Variants in RMST observed in about 807,000 individuals in gnomAD.
RMST encodes rhabdomyosarcoma 2 associated transcript.
chr12:97,480,213 C>A (rs1875096800), intron 5 of RMST, among the ~76,000 whole-genome samples: 1 of 151,864 alleles, frequency 6.6e-6, no homozygotes, highest in African/African-American at 2.4e-5. Flanking sequence ...CCTCAGCCTC[C>A]CGAGTAGCTG....
intron 11 of RMST, among the ~76,000 whole-genome samples, chr12:97,548,194 A>G (rs1883075229): frequency 6.6e-6 from 1 of 152,092 alleles, no homozygotes; most frequent in African/African-American, 2.4e-5. Flanking sequence ...TCAAAAATAA[A>G]TTGACCATAA....
intron 10 of RMST, among the ~76,000 whole-genome samples, chr12:97,512,691 C>A (rs1287731180): frequency 2.0e-5 from 3 of 152,250 alleles, no homozygotes; most frequent in East Asian, 3.9e-4. Context: ...GTCTCCACAT[C>A]CCCACCAGAC....
chr12:97,513,106 C>A (rs111393538), intron 10 of RMST, among the ~76,000 whole-genome samples: 6,010 of 152,292 alleles, frequency 0.039, 393 homozygotes, highest in African/African-American at 0.14. Context: ...CCCGGGTTCC[C>A]ACCTGCGCCT....
intron 10 of RMST, among the ~76,000 whole-genome samples, chr12:97,509,736 A>G (rs779314507): frequency 6.6e-6 from 1 of 152,198 alleles, no homozygotes; most frequent in African/African-American, 2.4e-5. Context: ...GGAGCCCTGG[A>G]TTGATGGAGG....
intron 11 of RMST, among the ~76,000 whole-genome samples, chr12:97,545,343 G>A (rs1176371825): frequency 1.3e-5 from 2 of 152,020 alleles, no homozygotes; most frequent in Non-Finnish European, 2.9e-5. Context: ...TGCGAGTATA[G>A]AGGGAACATC....
intron 11 of RMST, chr12:97,551,825 C>T (rs1462156374): frequency 6.6e-6 from 1 of 152,116 alleles, no homozygotes; most frequent in African/African-American, 2.4e-5. Flanking sequence ...GCTATCTCCC[C>T]ACATAGGAAC....
chr12:97,463,601 A>G (rs1418033187), intron 4 of RMST, among the ~76,000 whole-genome samples: 1 of 152,206 alleles, frequency 6.6e-6, no homozygotes, highest in Non-Finnish European at 1.5e-5. Context: ...GTAGAAGAGC[A>G]TATGGCCATG....
intron 10 of RMST, among the ~76,000 whole-genome samples, chr12:97,521,710 G>A (rs1415716099): frequency 6.6e-6 from 1 of 152,116 alleles, no homozygotes; most frequent in African/African-American, 2.4e-5. Context: ...GTGCAGGAAG[G>A]AAATGTGAAA....
intron 5 of RMST, among the ~76,000 whole-genome samples, chr12:97,489,226 G>A (rs867609664): frequency 6.6e-5 from 10 of 152,162 alleles, no homozygotes; most frequent in Middle Eastern, 6.8e-3. Flanking sequence ...TGGGAAGATC[G>A]CTTGAGCTCA....
chr12:97,473,355 G>T (rs968013141), intron 5 of RMST, among the ~76,000 whole-genome samples: 8 of 152,180 alleles, frequency 5.3e-5, no homozygotes, highest in Admixed American at 2.0e-4. Context: ...TTTATTGAAG[G>T]TTTATAGTAA....
chr12:97,471,676 T>A (rs913752831), intron 5 of RMST, among the ~76,000 whole-genome samples: 2 of 152,168 alleles, frequency 1.3e-5, no homozygotes, highest in African/African-American at 4.8e-5. Context: ...GGCCCTTAGC[T>A]ACAGTGTGTA....
At chr12:97,514,419 T>G (rs760897141) in intron 10 of RMST, among the ~76,000 whole-genome samples, 10 of 152,238 alleles carry the variant, frequency 6.6e-5, no homozygotes, top group Non-Finnish European at 1.3e-4. Context: ...ATTTCACTTT[T>G]GTTTTCCAAA....
intron 10 of RMST, among the ~76,000 whole-genome samples, chr12:97,519,829 G>A (rs1214774953): frequency 6.6e-6 from 1 of 152,150 alleles, no homozygotes; most frequent in Non-Finnish European, 1.5e-5. Flanking sequence ...ATGTGGCAAT[G>A]TGTTCATAAA....
chr12:97,524,622 C>A lies in RMST; in HGVS notation n.1341-6033C>A, dbSNP rs1249202143. On this transcript the variant is annotated intron_variant and non_coding_transcript_variant, in intron 10 of 13. Coordinates refer to ENST00000640149, the Ensembl canonical transcript of RMST. ...TATCATCTACCTCCTGAGTTTTATG[C>A]TCTTTTACAGACAAGACAATTGAGG... Among the ~76,000 whole-genome samples the A allele has an allele frequency of 2.6e-5, 4 of 152,176 alleles. No individual in the cohort carries two copies. The East Asian group carries it at 7.7e-4, about 29-fold the overall frequency.
intron 10 of RMST, among the ~76,000 whole-genome samples, chr12:97,497,006 G>A (rs1292810957): frequency 6.6e-6 from 1 of 152,064 alleles, no homozygotes; most frequent in African/African-American, 2.4e-5. Flanking sequence ...TCCTCAGCTA[G>A]TGCCCACATA....
chr12:97,547,981 C>A (rs1217478699), intron 11 of RMST, among the ~76,000 whole-genome samples: 2 of 152,096 alleles, frequency 1.3e-5, no homozygotes, highest in Middle Eastern at 3.4e-3. Context: ...ACACCAATGT[C>A]ATGGAGCTTT....
intron 10 of RMST, among the ~76,000 whole-genome samples, chr12:97,528,407 A>G (rs1053001373): frequency 6.6e-6 from 1 of 152,088 alleles, no homozygotes; most frequent in South Asian, 2.1e-4. Flanking sequence ...ATTCTTTCTT[A>G]TAGATACTAT....
At chr12:97,560,662 T>C (rs953224360) in exon 12 of RMST, 2 of 152,168 alleles carry the variant, frequency 1.3e-5, no homozygotes, top group East Asian at 1.9e-4. Flanking sequence ...CCTGGAGTGA[T>C]TACTTGCAAG....
chr12:97,488,873 C>T (rs1053613745), intron 5 of RMST, among the ~76,000 whole-genome samples: 1 of 152,062 alleles, frequency 6.6e-6, no homozygotes, highest in Non-Finnish European at 1.5e-5. Flanking sequence ...ATTTTATGCT[C>T]CAGAATAGCC....
Sources: gnomAD v4.1 joint callset for allele counts (sites outside exome capture counted in the v4.1 genomes callset) on GRCh38, gnomAD v4.1.1 for gene constraint, MANE v1.5 for transcripts, NCBI Gene and HGNC (gene_info 2026-07-23, HGNC 2026-07-21) for gene names.